Variants in UGGT2 observed in about 807,000 individuals in gnomAD.
UGGT2 encodes the protein UDP-glucose glycoprotein glucosyltransferase 2.
A neutral mutation model predicts 192.1 loss-of-function variants in UGGT2; 180 were observed. That is an observed-to-expected ratio of 0.94 (90% CI 0.83 to 1.06). The LOEUF (loss-of-function observed/expected upper bound fraction) is 1.06. UGGT2 is among the 50% of genes least tolerant of loss of function. The probability of loss-of-function intolerance (pLI) is 0.00; values close to 1 mark genes in which losing one functional copy is unlikely to be tolerated. For missense variants in UGGT2, 1,849 were observed against 1,795.7 expected (o/e 1.03, Z -0.54); for synonymous variants, 580 against 591.0 (o/e 0.98, Z 0.27).
chr13:95,980,178 G>A (rs1021574841), intron 10 of UGGT2, among the ~76,000 whole-genome samples: 5 of 152,144 alleles, frequency 3.3e-5, no homozygotes, highest in African/African-American at 7.2e-5. Context: ...ATATGAAAAA[G>A]ATACTTGCAT....
chr13:95,895,508 T>C (rs2047922193), intron 22 of UGGT2, among the ~76,000 whole-genome samples: 1 of 151,960 alleles, frequency 6.6e-6, no homozygotes, highest in Non-Finnish European at 1.5e-5. Context: ...ATAACATTTG[T>C]ATAAACACCA....
At position 95,932,307 on chromosome 13, in the gene UGGT2, T is replaced by TG. The variant is rs1566720000; in HGVS notation, c.1977+4616_1977+4617insC. Among the ~76,000 whole-genome samples, 3 of 107,346 alleles carry TG rather than the reference T, an allele frequency of 2.8e-5. 1 individual carries two copies. Among genetic ancestry groups the TG allele is most frequent in the Middle Eastern group, 9.4e-3 (2 of 212 alleles). The allele number at this position is 107,346 out of a possible 152,430, so 70.4% of individuals were successfully genotyped here. On this transcript the variant is annotated intron_variant, in intron 17 of 38. Coordinates refer to ENST00000376747, the MANE Select transcript of UGGT2 (RefSeq NM_020121.4). Reference sequence around the variant, plus strand: ...TTAGTTAGCTGTATTCCTAGGTATTTTATTTGTGTGTGTGTGTGTGTGTGT... The same window carrying TG: ...TTAGTTAGCTGTATTCCTAGGTATTTGTATTTGTGTGTGTGTGTGTGTGTGT...
Position 95,925,833 on chromosome 13 carries a change from C to T in UGGT2, c.2201-59G>A. On this transcript the variant is annotated intron_variant, in intron 19 of 38. Transcript: ENST00000376747. ...TTTTTTTTAAAAAATAAAACAAAAG[C>T]AGGGGAACATGTGCAGTTAACACAT... 4 of 1,216,666 alleles carry T rather than the reference C, an allele frequency of 3.3e-6. No individual in the cohort carries two copies. The South Asian group carries it at 7.0e-5, about 21-fold the overall frequency. 75.4% of individuals were successfully genotyped at this position (1,216,666 alleles called of 1,614,324 possible). A position where few individuals can be genotyped will look rare whatever the true frequency, so the allele number is the denominator to read the frequency against.
rs531542614 is a variant in UGGT2, at chr13:95,930,378, T to G, written c.1978-3042A>C. Reference sequence around the variant, plus strand: ...CAGAACGGTGTTTCCTAGGTTTTCTTCTAGAATTCTTATAGTTTTAAGTCT... The same window carrying G: ...CAGAACGGTGTTTCCTAGGTTTTCTGCTAGAATTCTTATAGTTTTAAGTCT... On this transcript the variant is annotated intron_variant, in intron 17 of 38. Transcript: ENST00000376747. Among the ~76,000 whole-genome samples the G allele has an allele frequency of 2.0e-5, 3 of 152,294 alleles. No homozygotes were observed. In the South Asian group the frequency reaches 6.2e-4, roughly 32 times the overall value.
At chr13:95,909,748 A>ATAATAATAC (rs1239948006) in intron 20 of UGGT2, among the ~76,000 whole-genome samples, 2 of 4,570 alleles carry the variant, frequency 4.4e-4, no homozygotes, top group African/African-American at 7.5e-4. Flanking sequence ...AACTTGAAGT[A>ATAATAATAC]TAATAATAAT....
At chr13:95,816,089 AT>A (rs1884857682) in intron 38 of UGGT2, among the ~76,000 whole-genome samples, 1 of 152,216 alleles carries the variant, frequency 6.6e-6, no homozygotes, top group Non-Finnish European at 1.5e-5. Flanking sequence ...AGATGCTGCC[AT>A]GCTTCTTGTA....
intron 20 of UGGT2, among the ~76,000 whole-genome samples, chr13:95,921,047 C>G (rs2048828945): frequency 6.6e-6 from 1 of 152,064 alleles, no homozygotes; most frequent in Non-Finnish European, 1.5e-5. Context: ...TTTGCAGGGA[C>G]ACAGAAGGAG....
At chr13:95,993,547 A>G (rs1433139900) in intron 7 of UGGT2, among the ~76,000 whole-genome samples, 2 of 152,250 alleles carry the variant, frequency 1.3e-5, no homozygotes, top group Non-Finnish European at 2.9e-5. Flanking sequence ...ATGGGATAAA[A>G]ATGTATTGTT....
intron 17 of UGGT2, among the ~76,000 whole-genome samples, chr13:95,928,196 G>GC (rs2049096509): frequency 1.3e-5 from 2 of 152,216 alleles, no homozygotes; most frequent in Admixed American, 1.3e-4. Context: ...CCCAGACGGG[G>GC]TGGCGGCCGG....
At position 95,972,627 on chromosome 13, in the gene UGGT2, T is replaced by C. The variant is rs200276472; in HGVS notation, c.1137A>G (p.Leu379=). ...RFKIQPGDAR[L]FINGLRVDMD... is the part of the protein sequence containing the mutation. ...TATCAACACGAAGGCCATTTATAAA[T>C]AGACGAGCATCGCCTGGCTGAATTT... Residue 379 remains leucine, a synonymous_variant, in exon 11 of 39, where the codon CTA becomes CTG. Coordinates refer to ENST00000376747, the MANE Select transcript of UGGT2 (RefSeq NM_020121.4). The C allele has an allele frequency of 1.9e-6, 3 of 1,613,730 alleles. No individual in the cohort carries two copies. The highest frequency in any genetic ancestry group is 2.2e-5 in the East Asian group (1 of 44,844).
At chr13:96,043,532 G>C (rs895979835) in intron 1 of UGGT2, among the ~76,000 whole-genome samples, 2 of 152,100 alleles carry the variant, frequency 1.3e-5, no homozygotes, top group South Asian at 2.1e-4. Context: ...TACTAACATT[G>C]AATGTAAAGG....
In UGGT2 at chr13:95,902,910, C is replaced by T. The variant is rs770312273; in HGVS notation, c.2446G>A (p.Glu816Lys). Reference sequence around the variant, plus strand: ...GAGTAAATAGCTGTAGCAATTTCTTCCTTTGCCAGTTGCCCAAGAAAGCTT... The same window carrying T: ...GAGTAAATAGCTGTAGCAATTTCTTTCTTTGCCAGTTGCCCAAGAAAGCTT... Reference protein sequence around the residue: ...LRSFLGQLAKEEIATAIYSGD... With the variant: ...LRSFLGQLAKKEIATAIYSGD... Residue 816 changes from glutamate to lysine, a missense_variant, in exon 21 of 39, where the codon GAA becomes AAA. Transcript: ENST00000376747. The T allele has an allele frequency of 1.1e-5, 18 of 1,613,472 alleles. No individual in the cohort carries two copies. In the East Asian group the frequency reaches 3.1e-4, roughly 28 times the overall value.
At chr13:96,014,313 T>C (rs1298976395) in intron 4 of UGGT2, among the ~76,000 whole-genome samples, 1 of 152,124 alleles carries the variant, frequency 6.6e-6, no homozygotes, top group Non-Finnish European at 1.5e-5. Flanking sequence ...GGATAACAAA[T>C]ATTAAGGACA....
Position 95,902,994 on chromosome 13 carries a change from T to G in UGGT2, c.2362A>C (p.Thr788Pro). 1.2e-6 allele frequency: 2 copies of G among 1,613,388 alleles called. No individual in the cohort carries two copies. The highest frequency in any genetic ancestry group is 1.7e-6 in the Non-Finnish European group (2 of 1,179,654). The part of the protein sequence containing the change: ...NPTSKINEEN[T>P]AISRGILAAF... ...GCCAAAATTCCTCTAGAAATAGCTGTGTTCTCTTCATTTATTTTTGATGTA... is the reference window on the plus strand; with the variant it reads ...GCCAAAATTCCTCTAGAAATAGCTGGGTTCTCTTCATTTATTTTTGATGTA... Residue 788 changes from threonine to proline, a missense_variant, in exon 21 of 39, where the codon ACA (threonine) becomes CCA (proline). Physicochemically the swap from Thr to Pro is conservative, Grantham distance 38. Coordinates refer to ENST00000376747, the MANE Select transcript of UGGT2 (RefSeq NM_020121.4).
At chr13:95,803,035 C>T (rs1416807620) in intron 38 of UGGT2, among the ~76,000 whole-genome samples, 6 of 151,708 alleles carry the variant, frequency 4.0e-5, no homozygotes, top group South Asian at 4.2e-4. Context: ...GGGGTTTCAC[C>T]GTGTTAGCCA....
chr13:95,935,073 A>G (rs750378214), intron 17 of UGGT2, among the ~76,000 whole-genome samples: 3 of 151,486 alleles, frequency 2.0e-5, no homozygotes, highest in African/African-American at 7.4e-5. Context: ...TTTTGTTTGC[A>G]TGATAATTCT....
intron 11 of UGGT2, among the ~76,000 whole-genome samples, chr13:95,972,136 A>ATTT (rs10568232): frequency 1.4e-5 from 2 of 141,772 alleles, no homozygotes; most frequent in South Asian, 2.2e-4. Context: ...ATTTTGAAGA[A>ATTT]TTTTTTTTTT....
intron 20 of UGGT2, among the ~76,000 whole-genome samples, chr13:95,913,371 A>T (rs1411303392): frequency 2.6e-5 from 4 of 152,290 alleles, no homozygotes; most frequent in East Asian, 3.9e-4. Context: ...GAATCTACAA[A>T]GAACTCAAAC....
At chr13:95,858,513 C>G (rs1204630987) in intron 33 of UGGT2, among the ~76,000 whole-genome samples, 6 of 152,078 alleles carry the variant, frequency 3.9e-5, no homozygotes, top group Admixed American at 3.3e-4. Context: ...TGGCAATACT[C>G]CACGAGTACC....
Sources: allele counts gnomAD v4.1 joint callset (sites outside exome capture counted in the v4.1 genomes callset), GRCh38; gene constraint gnomAD v4.1.1; transcripts MANE v1.5; gene names NCBI Gene and HGNC (gene_info 2026-07-23, HGNC 2026-07-21).